RXRG: variants seen among roughly 807,000 people sequenced by gnomAD.
RXRG encodes the protein retinoic acid receptor RXR-gamma.
Under a neutral mutation model 49.2 loss-of-function variants are expected in RXRG, and 19 were observed. The observed-to-expected ratio is 0.39, with a 90% CI of 0.27 to 0.57. RXRG has a LOEUF of 0.57. Ranked by LOEUF, RXRG falls within the 20% of genes least tolerant of loss-of-function variation. The pLI, the probability that RXRG is intolerant of heterozygous loss-of-function variation, is 0.64. For missense variants in RXRG, 452 were observed against 592.5 expected, an observed-to-expected ratio of 0.76 and a Z score of 2.46; for synonymous variants, 224 against 216.6, an observed-to-expected ratio of 1.03 and a Z score of -0.30.
chr1:165,422,314 T>A (rs1317842395), intron 2 of RXRG, among the ~76,000 whole-genome samples: 3 of 152,206 alleles, frequency 2.0e-5, no homozygotes, highest in African/African-American at 7.2e-5. Context: ...TTAAAGTGGG[T>A]TTATTCATTT....
intron 1 of RXRG, among the ~76,000 whole-genome samples, chr1:165,429,362 C>T (rs1431683206): frequency 6.6e-6 from 1 of 152,158 alleles, no homozygotes; most frequent in Non-Finnish European, 1.5e-5. Context: ...AGTAGGTTCC[C>T]AGGCTGCTCC....
chr1:165,419,851 T>C lies in RXRG; in HGVS notation c.442+19A>G. The C allele has an allele frequency of 1.3e-6, 2 of 1,578,864 alleles. No individual in the cohort carries two copies. Among genetic ancestry groups the C allele is most frequent in the Admixed American group, 1.8e-5 (1 of 55,978 alleles). On this transcript the variant is annotated intron_variant, in intron 3 of 9. Transcript: ENST00000359842. Reference sequence around the variant, plus strand: ...CTTCTCTGTGGCACTTTTCAGGGAGTGTCTGCTTCTGCATGTACCTGAGGA... The same window carrying C: ...CTTCTCTGTGGCACTTTTCAGGGAGCGTCTGCTTCTGCATGTACCTGAGGA...
intron 9 of RXRG, among the ~76,000 whole-genome samples, chr1:165,406,174 ACTGCTAGATGGCCTCAGAGAT>A (rs71097573): frequency 0.29 from 42,846 of 150,196 alleles, 7,094 homozygotes; most frequent in South Asian, 0.44. Context: ...AAATACCTAT[ACTGCTAGATGGCCTCAGAGAT>A]CTGCTAGATG....
intron 3 of RXRG, among the ~76,000 whole-genome samples, chr1:165,417,488 A>G (rs755632396): frequency 6.6e-6 from 1 of 152,176 alleles, no homozygotes; most frequent in Non-Finnish European, 1.5e-5. Flanking sequence ...GGCTTTCTTT[A>G]TATTTATTTT....
chr1:165,406,582 C>G (rs1314529927), intron 9 of RXRG, among the ~76,000 whole-genome samples: 1 of 152,194 alleles, frequency 6.6e-6, no homozygotes, highest in South Asian at 2.1e-4. Flanking sequence ...AAGATGTGTA[C>G]TATGTGTCGG....
chr1:165,435,576 G>A lies in RXRG; in HGVS notation c.50-6610C>T, dbSNP rs926896642. On this transcript the variant is annotated intron_variant, in intron 1 of 9. Coordinates refer to ENST00000359842, the MANE Select transcript of RXRG (RefSeq NM_006917.5). ...AAGCCCAGATAAGCCCCAAATGGGTGGATTATATGTAAGAACAACTAAGAT... is the reference window on the plus strand; with the variant it reads ...AAGCCCAGATAAGCCCCAAATGGGTAGATTATATGTAAGAACAACTAAGAT... 2.3e-4 allele frequency among the ~76,000 whole-genome samples: 35 copies of A among 152,080 alleles called. 2 individuals are homozygous for A. The highest frequency in any genetic ancestry group is 5.9e-5 in the Non-Finnish European group (4 of 68,018).
At chr1:165,402,301 G>A (rs1455936629) in intron 9 of RXRG, among the ~76,000 whole-genome samples, 1 of 152,156 alleles carries the variant, frequency 6.6e-6, no homozygotes, top group Admixed American at 6.5e-5. Context: ...GGCCAGGCTG[G>A]TCTTGAATTC....
rs537910295 is a variant in RXRG, at chr1:165,443,835, G to C, written c.49+1010C>G. Among the ~76,000 whole-genome samples, 4 of 152,330 alleles carry C rather than the reference G, an allele frequency of 2.6e-5. No individual in the cohort carries two copies. In the East Asian group the frequency reaches 7.7e-4, roughly 29 times the overall value. Reference sequence around the variant, plus strand: ...CCTTCAGATGAATTGGTCCACGGAGGAAGTCTGGAGAGCAGGGACTTTTCA... The same window carrying C: ...CCTTCAGATGAATTGGTCCACGGAGCAAGTCTGGAGAGCAGGGACTTTTCA... On this transcript the variant is annotated intron_variant, in intron 1 of 9. Transcript: ENST00000359842.
chr1:165,438,098 C>T (rs955967704), intron 1 of RXRG, among the ~76,000 whole-genome samples: 1 of 152,162 alleles, frequency 6.6e-6, no homozygotes, highest in African/African-American at 2.4e-5. Context: ...ATGAAATAGA[C>T]GGTGGCCTCC....
intron 9 of RXRG, among the ~76,000 whole-genome samples, chr1:165,403,051 ACT>A (rs1233746181): frequency 6.6e-6 from 1 of 151,250 alleles, no homozygotes; most frequent in Non-Finnish European, 1.5e-5. Context: ...TCACACACTC[ACT>A]CATACACACC....
intron 4 of RXRG, among the ~76,000 whole-genome samples, chr1:165,416,578 G>T (rs145629890): frequency 2.7e-3 from 404 of 152,272 alleles, no homozygotes; most frequent in Non-Finnish European, 5.1e-3. Flanking sequence ...CCTACAGTTT[G>T]CCCCAGAGAG....
intron 4 of RXRG, among the ~76,000 whole-genome samples, chr1:165,411,564 G>T (rs1370499029): frequency 6.6e-6 from 1 of 152,122 alleles, no homozygotes; most frequent in Non-Finnish European, 1.5e-5. Context: ...CGTCCCATTA[G>T]GTCTGCCCCT....
chr1:165,403,010 A>G (rs940173216), intron 9 of RXRG, among the ~76,000 whole-genome samples: 1 of 151,460 alleles, frequency 6.6e-6, no homozygotes, highest in African/African-American at 2.4e-5. Context: ...ACACTCTAAC[A>G]TGTTCTTACA....
intron 2 of RXRG, among the ~76,000 whole-genome samples, chr1:165,428,038 C>T (rs948766280): frequency 2.6e-5 from 4 of 152,160 alleles, no homozygotes; most frequent in Non-Finnish European, 4.4e-5. Context: ...TAGCCAACCA[C>T]TACAAGATGG....
At chr1:165,423,839 A>T (rs1034206867) in intron 2 of RXRG, among the ~76,000 whole-genome samples, 4 of 152,198 alleles carry the variant, frequency 2.6e-5, no homozygotes, top group African/African-American at 9.6e-5. Flanking sequence ...TTAATTTTTT[A>T]AAATCATCAG....
At chr1:165,433,431 C>T (rs186088183) in intron 1 of RXRG, among the ~76,000 whole-genome samples, 1 of 152,224 alleles carries the variant, frequency 6.6e-6, no homozygotes, top group African/African-American at 2.4e-5. Context: ...CCCCTGTGCC[C>T]TCTTGATCTT....
chr1:165,423,704 G>T (rs1424276796), intron 2 of RXRG, among the ~76,000 whole-genome samples: 1 of 151,350 alleles, frequency 6.6e-6, no homozygotes, highest in African/African-American at 2.4e-5. Flanking sequence ...GTGTGTTGCT[G>T]GGGGCGGTGG....
intron 2 of RXRG, among the ~76,000 whole-genome samples, chr1:165,427,740 C>A (rs2101733680): frequency 6.6e-6 from 1 of 152,316 alleles, no homozygotes; most frequent in South Asian, 2.1e-4. Context: ...CCGTGCCCGG[C>A]CTGAATCAGT....
At position 165,401,011 on chromosome 1, in the gene RXRG, G is replaced by A. The variant is rs1657547123; in HGVS notation, c.*252C>T. 1 of 448,484 alleles carries A rather than the reference G, an allele frequency of 2.2e-6. No individual in the cohort carries two copies. Among genetic ancestry groups the A allele is most frequent in the Non-Finnish European group, 3.9e-6 (1 of 254,834 alleles). 27.8% of individuals were successfully genotyped at this position (448,484 alleles called of 1,614,324 possible). A position where few individuals can be genotyped will look rare whatever the true frequency, so the allele number is the denominator to read the frequency against. Reference sequence around the variant, plus strand: ...ATTTAAACCAATTGTATGTACAGAGGCTTGATTAGTTTTCCCAAGAACTTC... The same window carrying A: ...ATTTAAACCAATTGTATGTACAGAGACTTGATTAGTTTTCCCAAGAACTTC... On this transcript the variant is annotated 3_prime_UTR_variant, in exon 10 of 10. Transcript: ENST00000359842.
Sources: gnomAD v4.1 joint callset for allele counts (sites outside exome capture counted in the v4.1 genomes callset) on GRCh38, gnomAD v4.1.1 for gene constraint, MANE v1.5 for transcripts, NCBI Gene and HGNC (gene_info 2026-07-23, HGNC 2026-07-21) for gene names.